The following LLGL2 variants were observed in gnomAD, a reference collection of about 807,000 sequenced individuals.
LLGL2 encodes LLGL2, scribble cell polarity complex component.
In LLGL2, 81 loss-of-function variants were observed where a neutral mutation model predicts 123.2. The observed-to-expected ratio is 0.66, with a 90% CI of 0.55 to 0.79. LLGL2 has a LOEUF of 0.79. Among genes scored for constraint, LLGL2 ranks in the 30% least tolerant of loss-of-function variants. The probability of loss-of-function intolerance (pLI) is 0.00; values close to 1 mark genes in which losing one functional copy is unlikely to be tolerated. For missense variants in LLGL2, 1,273 were observed against 1,414.6 expected, an observed-to-expected ratio of 0.90 and a Z score of 1.61; for synonymous variants, 577 against 594.1, an observed-to-expected ratio of 0.97 and a Z score of 0.42.
Position 75,544,157 on chromosome 17 carries a change from G to A in LLGL2, c.75+656G>A, listed in dbSNP as rs549928822. ...TGAGAAGGTCAGGACGGGCCTGTACGCAGGAGGCGTGCAGTGTGGCTCTTC... is the reference window on the plus strand; with the variant it reads ...TGAGAAGGTCAGGACGGGCCTGTACACAGGAGGCGTGCAGTGTGGCTCTTC... On this transcript the variant is annotated intron_variant, in intron 2 of 25. Transcript: ENST00000392550. The surrounding 1 kb of genome is among the most constrained non-coding windows in gnomAD (Gnocchi z 4.2). Among the ~76,000 whole-genome samples the A allele has an allele frequency of 4.6e-5, 7 of 152,334 alleles. No homozygotes were observed. In the East Asian group the frequency reaches 1.2e-3, roughly 25 times the overall value.
chr17:75,537,785 T>C (rs2054061267), intron 1 of LLGL2, among the ~76,000 whole-genome samples: 1 of 148,696 alleles, frequency 6.7e-6, no homozygotes, highest in Admixed American at 6.7e-5. Flanking sequence ...TGGGTTCAGA[T>C]GGGAAGGCTT....
intron 17 of LLGL2, chr17:75,571,395 C>T (rs1350996052): frequency 1.7e-6 from 1 of 581,192 alleles, no homozygotes; most frequent in Non-Finnish European, 3.1e-6. Context: ...GAGGAAGTGA[C>T]AGCTTCCTCC....
rs558308426 is a variant in LLGL2, at chr17:75,561,718, C to T, written c.531-1298C>T. On this transcript the variant is annotated intron_variant, in intron 6 of 25. Coordinates refer to ENST00000392550, the MANE Select transcript of LLGL2 (RefSeq NM_001031803.2). Reference sequence around the variant, plus strand: ...GGTGGATCACCTGAGATCAGGAGTTCGAGACCAGCTTGGGCAACATGGCGA... The same window carrying T: ...GGTGGATCACCTGAGATCAGGAGTTTGAGACCAGCTTGGGCAACATGGCGA... 1.6e-4 allele frequency among the ~76,000 whole-genome samples: 25 copies of T among 152,134 alleles called. No homozygotes were observed. In the South Asian group the frequency reaches 5.0e-3, roughly 30 times the overall value.
intron 10 of LLGL2, among the ~76,000 whole-genome samples, chr17:75,565,118 C>A (rs1297005354): frequency 2.0e-5 from 3 of 152,218 alleles, no homozygotes; most frequent in African/African-American, 7.2e-5. Context: ...TAACACCCAC[C>A]CCGCTGAGGC....
intron 2 of LLGL2, among the ~76,000 whole-genome samples, chr17:75,547,192 A>G (rs1198434350): frequency 6.6e-6 from 1 of 152,130 alleles, no homozygotes; most frequent in Non-Finnish European, 1.5e-5. Flanking sequence ...TGAGAGGGAG[A>G]CGTCTTGTTT....
chr17:75,529,147 C>CTT (rs60685279), intron 1 of LLGL2, among the ~76,000 whole-genome samples: 134,802 of 151,634 alleles, frequency 0.89, 60,744 homozygotes, highest in African/African-American at 0.98. Context: ...TAGAGTGAGA[C>CTT]TGTCTCAAAA....
intron 24 of LLGL2, 42 bp from the exon 25 acceptor site, chr17:75,574,568 G>A: frequency 6.2e-7 from 1 of 1,606,032 alleles, no homozygotes; most frequent in Non-Finnish European, 8.5e-7. Flanking sequence ...GCTGAGAGTG[G>A]AGGTCCCTGA....
intron 1 of LLGL2, among the ~76,000 whole-genome samples, chr17:75,527,741 A>G (rs2053624053): frequency 6.6e-6 from 1 of 151,762 alleles, no homozygotes; most frequent in Admixed American, 6.6e-5. Flanking sequence ...CGTTGGGATT[A>G]CAGGTGTAAG....
chr17:75,550,706 G>A (rs776343821), intron 2 of LLGL2, among the ~76,000 whole-genome samples: 26 of 150,544 alleles, frequency 1.7e-4, no homozygotes, highest in Admixed American at 3.3e-4. Flanking sequence ...ACTTGAGCCC[G>A]GGAGGAGGAG....
At chr17:75,536,118 C>G (rs572496317) in intron 1 of LLGL2, among the ~76,000 whole-genome samples, 3 of 152,316 alleles carry the variant, frequency 2.0e-5, no homozygotes, top group African/African-American at 7.2e-5. Flanking sequence ...GGTCTGGTGA[C>G]AGGCAGGAGT....
At chr17:75,547,303 A>G (rs191154714) in intron 2 of LLGL2, among the ~76,000 whole-genome samples, 146 of 152,336 alleles carry the variant, frequency 9.6e-4, no homozygotes, top group African/African-American at 3.3e-3. Context: ...ACCGAGGGCT[A>G]TGTGCCAGGC....
intron 2 of LLGL2, among the ~76,000 whole-genome samples, chr17:75,547,110 T>C (rs55789626): frequency 0.81 from 122,931 of 152,138 alleles, 50,040 homozygotes; most frequent in Non-Finnish European, 0.86. Flanking sequence ...CCAACACCTT[T>C]TGGCTCAACT....
rs754117890 is a variant in LLGL2, at chr17:75,568,579, T to G, written c.1140T>G (p.Ala380=). The stretch of plus-strand genomic sequence containing the variant: ...CACCGGTCCAGCTGCCCTACCTGGC[T>G]TCTCTGCACTGTTCCGCCATCACCT... ...GWPPVQLPYL[A]SLHCSAITCS... is the part of the protein sequence containing the mutation. Residue 380 remains alanine (A), a synonymous_variant, in exon 11 of 26, where the codon GCT becomes GCG. Coordinates refer to ENST00000392550, the MANE Select transcript of LLGL2 (RefSeq NM_001031803.2). 6.2e-7 allele frequency: 1 copy of G among 1,613,964 alleles called. No homozygotes were observed. The highest frequency in any genetic ancestry group is 2.2e-5 in the East Asian group (1 of 44,882).
At position 75,549,761 on chromosome 17, in the gene LLGL2, C is replaced by T. The variant is rs1014718072; in HGVS notation, c.75+6260C>T. The stretch of plus-strand genomic sequence containing the variant: ...CTGAGGAGTGCCAGGGACTCCTCCT[C>T]AGGTCCTAGCCCTTGGGCAGGGTCC... On this transcript the variant is annotated intron_variant, in intron 2 of 25. Coordinates refer to ENST00000392550, the MANE Select transcript of LLGL2 (RefSeq NM_001031803.2). The surrounding 1 kb of genome is among the most constrained non-coding windows in gnomAD (Gnocchi z 4.0). Among the ~76,000 whole-genome samples the T allele has an allele frequency of 6.6e-6, 1 of 152,170 alleles. No individual in the cohort carries two copies. The highest frequency in any genetic ancestry group is 1.5e-5 in the Non-Finnish European group (1 of 68,006).
At chr17:75,571,203 C>A in intron 17 of LLGL2, 103 bp downstream of exon 17, 1 of 1,139,088 alleles carries the variant, frequency 8.8e-7, no homozygotes, top group Non-Finnish European at 1.3e-6. Flanking sequence ...CTGGTAGGAG[C>A]TAAGAGGTTT....
chr17:75,558,011 C>A lies in LLGL2; in HGVS notation c.174-144C>A. ...TGCTGTGTCTCCTCCCCACCCTAGG[C>A]TCCATGCATGGGTCCTGCTGCCTCG... On this transcript the variant is annotated intron_variant, in intron 3 of 25. Transcript: ENST00000392550. The surrounding 1 kb of genome is among the most constrained non-coding windows in gnomAD (Gnocchi z 4.0). The A allele has an allele frequency of 1.2e-6, 1 of 805,910 alleles. No homozygotes were observed. Among genetic ancestry groups the A allele is most frequent in the Non-Finnish European group, 2.2e-6 (1 of 457,370 alleles). 49.9% of individuals were successfully genotyped at this position (805,910 alleles called of 1,614,324 possible).
intron 21 of LLGL2, 111 bp downstream of exon 21, chr17:75,573,742 GC>G: frequency 7.9e-7 from 1 of 1,267,788 alleles, no homozygotes. Context: ...CACGAGCTCA[GC>G]CCACCCTCCC....
At chr17:75,535,778 G>A (rs2053978482) in intron 1 of LLGL2, among the ~76,000 whole-genome samples, 1 of 152,358 alleles carries the variant, frequency 6.6e-6, no homozygotes, top group African/African-American at 2.4e-5. Context: ...GGGCCAGGGT[G>A]TGGATTTTGT....
rs1423665030 is a variant in LLGL2, at chr17:75,570,366, T to C, written c.1893T>C (p.Ser631=). 4 of 1,612,064 alleles carry C rather than the reference T, an allele frequency of 2.5e-6. No individual in the cohort carries two copies. The highest frequency in any genetic ancestry group is 1.3e-5 in the African/African-American group (1 of 75,058). Residue 631 remains serine (S), a synonymous_variant, in exon 16 of 26, where the codon AGT becomes AGC. Transcript: ENST00000392550. ...CCCCAAGGTGCACACTGCACCCCAG[T>C]GACCAGCTGGCCTTGGAGGGCCCAC... is the stretch of plus-strand genomic sequence containing the variant. ...QVFVKCTLHP[S]DQLALEGPLS...
Sources: gnomAD v4.1 joint callset for allele counts (sites outside exome capture counted in the v4.1 genomes callset) on GRCh38, gnomAD v4.1.1 for gene constraint, Gnocchi (gnomAD v3.1) non-coding constraint, MANE v1.5 for transcripts, NCBI Gene and HGNC (gene_info 2026-07-23, HGNC 2026-07-21) for gene names.